FAM227B: variants seen among roughly 807,000 people sequenced by gnomAD.
FAM227B encodes the protein protein FAM227B.
In FAM227B, 88 loss-of-function variants were observed where a neutral mutation model predicts 73.8. The observed-to-expected ratio is 1.19, with a 90% CI of 1.00 to 1.42. The LOEUF (loss-of-function observed/expected upper bound fraction) is 1.42. Among genes scored for constraint, FAM227B ranks in the 40% most tolerant of loss-of-function variants. FAM227B has a pLI of 0.00. For synonymous variants in FAM227B, 210 were observed against 190.5 expected (o/e 1.10, Z -0.84); for missense variants, 632 against 590.9 (o/e 1.07, Z -0.72).
chr15:49,454,083 T>C (rs1024081558), intron 11 of FAM227B, among the ~76,000 whole-genome samples: 4 of 152,148 alleles, frequency 2.6e-5, no homozygotes, highest in Non-Finnish European at 4.4e-5. Flanking sequence ...CAGACAGGCG[T>C]AGGTTTGAAA....
At chr15:49,594,060 GTTCCA>G (rs2076747678) in intron 3 of FAM227B, among the ~76,000 whole-genome samples, 1 of 152,078 alleles carries the variant, frequency 6.6e-6, no homozygotes, top group African/African-American at 2.4e-5. Flanking sequence ...GAGTAAAAGT[GTTCCA>G]TTTCCACCAT....
chr15:49,413,988 T>C (rs560928046), intron 11 of FAM227B, among the ~76,000 whole-genome samples: 4 of 152,118 alleles, frequency 2.6e-5, no homozygotes, highest in Non-Finnish European at 5.9e-5. Context: ...AATGATACCA[T>C]AGTAACCTAT....
At chr15:49,391,656 C>G (rs1430207740) in intron 11 of FAM227B, among the ~76,000 whole-genome samples, 1 of 152,094 alleles carries the variant, frequency 6.6e-6, no homozygotes, top group African/African-American at 2.4e-5. Context: ...TTAAACAAAG[C>G]CTTGACTTCC....
At chr15:49,357,357 AAGAG>A (rs1234332945) in intron 13 of FAM227B, among the ~76,000 whole-genome samples, 12 of 149,646 alleles carry the variant, frequency 8.0e-5, no homozygotes, top group Non-Finnish European at 1.5e-4. Context: ...TAAAGAAAAA[AAGAG>A]AGAAGAATCA....
chr15:49,490,819 G>C (rs986538997), intron 11 of FAM227B, among the ~76,000 whole-genome samples: 4 of 151,888 alleles, frequency 2.6e-5, no homozygotes, highest in Admixed American at 2.6e-4. Context: ...ATACAACCAG[G>C]CTAGATGAGA....
chr15:49,471,037 T>C (rs2054694122), intron 11 of FAM227B, among the ~76,000 whole-genome samples: 1 of 152,196 alleles, frequency 6.6e-6, no homozygotes, highest in Non-Finnish European at 1.5e-5. Flanking sequence ...CTTGAGTAGA[T>C]GTGAAAGTGA....
At chr15:49,463,631 T>C (rs2054003501) in intron 11 of FAM227B, among the ~76,000 whole-genome samples, 1 of 152,176 alleles carries the variant, frequency 6.6e-6, no homozygotes, top group African/African-American at 2.4e-5. Flanking sequence ...TCTTATTTCT[T>C]TTCCTGGAAG....
At chr15:49,577,975 G>C (rs2075569450) in intron 5 of FAM227B, among the ~76,000 whole-genome samples, 2 of 152,198 alleles carry the variant, frequency 1.3e-5, no homozygotes, top group African/African-American at 4.8e-5. Context: ...GGGAAGTTTA[G>C]TGTTCAGAAT....
intron 10 of FAM227B, among the ~76,000 whole-genome samples, chr15:49,518,342 G>A (rs1486848955): frequency 1.3e-5 from 2 of 152,144 alleles, no homozygotes; most frequent in African/African-American, 4.8e-5. Flanking sequence ...GTACTCCTCA[G>A]AAAGATTAAA....
chr15:49,560,250 AGTC>A (rs1421294641), intron 9 of FAM227B, among the ~76,000 whole-genome samples: 3 of 152,200 alleles, frequency 2.0e-5, no homozygotes, highest in Non-Finnish European at 2.9e-5. Flanking sequence ...TTTTATCAAT[AGTC>A]TAGACTAAGC....
chr15:49,522,218 C>G (rs188484300), intron 10 of FAM227B, among the ~76,000 whole-genome samples: 1 of 152,092 alleles, frequency 6.6e-6, no homozygotes, highest in Non-Finnish European at 1.5e-5. Context: ...GGAGATCACC[C>G]AGGAACAAAC....
intron 9 of FAM227B, among the ~76,000 whole-genome samples, chr15:49,545,509 T>C (rs1014272085): frequency 1.1e-4 from 16 of 152,306 alleles, no homozygotes; most frequent in African/African-American, 3.4e-4. Context: ...CTCTGATCTT[T>C]GTTGTTGATT....
chr15:49,396,341 G>T (rs182100868), intron 11 of FAM227B: 23 of 332,008 alleles, frequency 6.9e-5, no homozygotes, highest in Non-Finnish European at 1.1e-4. Context: ...GGCTCGGAGG[G>T]TCCTACGCCC....
chr15:49,391,709 C>A (rs2047222632), intron 11 of FAM227B, among the ~76,000 whole-genome samples: 1 of 152,106 alleles, frequency 6.6e-6, no homozygotes, highest in African/African-American at 2.4e-5. Context: ...CCACCTATGA[C>A]CTGTGAGCCC....
intron 11 of FAM227B, among the ~76,000 whole-genome samples, chr15:49,475,817 G>A (rs930212920): frequency 6.6e-6 from 1 of 151,972 alleles, no homozygotes; most frequent in African/African-American, 2.4e-5. Context: ...GCAAAACCGG[G>A]TCTCTACTAA....
intron 13 of FAM227B, among the ~76,000 whole-genome samples, chr15:49,356,233 C>T (rs1003504651): frequency 6.6e-6 from 1 of 151,982 alleles, no homozygotes; most frequent in Non-Finnish European, 1.5e-5. Context: ...CAAATTCACA[C>T]ATAACAATTT....
intron 10 of FAM227B, among the ~76,000 whole-genome samples, chr15:49,536,299 A>C (rs1009760398): frequency 4.0e-4 from 60 of 151,854 alleles, no homozygotes; most frequent in African/African-American, 1.4e-3. Flanking sequence ...TATCCAAAAA[A>C]GATATTTAAA....
chr15:49,339,051 G>C (rs902945710), intron 13 of FAM227B, among the ~76,000 whole-genome samples: 7 of 152,090 alleles, frequency 4.6e-5, no homozygotes, highest in Admixed American at 3.9e-4. Context: ...AAGGTTCTTA[G>C]CTTGCTTGCA....
At chr15:49,341,648 G>A (rs1215444132) in intron 13 of FAM227B, among the ~76,000 whole-genome samples, 2 of 152,122 alleles carry the variant, frequency 1.3e-5, no homozygotes, top group Non-Finnish European at 2.9e-5. Context: ...CACTGTGTCT[G>A]GCTGAGATCT....
Sources: gnomAD v4.1 joint callset for allele counts (sites outside exome capture counted in the v4.1 genomes callset) on GRCh38, gnomAD v4.1.1 for gene constraint, MANE v1.5 for transcripts, NCBI Gene and HGNC (gene_info 2026-07-23, HGNC 2026-07-21) for gene names.